The following GLP2R variants were observed in gnomAD, a reference collection of about 807,000 sequenced individuals.
GLP2R encodes the protein glucagon like peptide 2 receptor, also known as glucagon-like peptide 2 receptor.
A neutral mutation model predicts 68.2 loss-of-function variants in GLP2R; 59 were observed. The ratio of observed to expected loss-of-function variants is 0.87; its 90% CI spans 0.70 to 1.07. The LOEUF is 1.07. GLP2R is among the 50% of genes least tolerant of loss of function. GLP2R has a pLI of 0.00. For synonymous variants in GLP2R, 270 were observed against 265.4 expected (o/e 1.02, Z -0.17); for missense variants, 548 against 677.4 (o/e 0.81, Z 2.12).
chr17:9,828,693 C>G (rs1359389893), intron 1 of GLP2R, among the ~76,000 whole-genome samples: 2 of 152,112 alleles, frequency 1.3e-5, no homozygotes, highest in African/African-American at 4.8e-5. Flanking sequence ...GTTTGAAGCC[C>G]TGTGTTTTTT....
At position 9,842,388 on chromosome 17, in the gene GLP2R, G is replaced by A. The variant is rs993224254; in HGVS notation, c.383-107G>A. The A allele has an allele frequency of 4.3e-6, 6 of 1,396,836 alleles. No homozygotes were observed. In the African/African-American group the frequency reaches 4.3e-5, roughly 10 times the overall value. 86.5% of individuals were successfully genotyped at this position (1,396,836 alleles called of 1,614,324 possible). A position where few individuals can be genotyped will look rare whatever the true frequency, so the allele number is the denominator to read the frequency against. ...GAGGATGTTAATGAGCCCCCAAAAG[G>A]GGAAATGAAAATCCCTTCTCCCTGG... On this transcript the variant is annotated intron_variant, in intron 3 of 12. Transcript: ENST00000262441.
chr17:9,869,223 C>A (rs151286248), intron 9 of GLP2R, among the ~76,000 whole-genome samples: 2 of 152,334 alleles, frequency 1.3e-5, no homozygotes, highest in African/African-American at 4.8e-5. Flanking sequence ...CCTCCTCCAG[C>A]CTTACCCTCA....
chr17:9,836,881 G>A (rs950404248), intron 3 of GLP2R, among the ~76,000 whole-genome samples: 24 of 151,480 alleles, frequency 1.6e-4, no homozygotes, highest in Admixed American at 5.3e-4. Context: ...ATGGAATCTC[G>A]CTCTGTCGCC....
intron 9 of GLP2R, among the ~76,000 whole-genome samples, chr17:9,864,232 G>A (rs144233422): frequency 0.014 from 2,147 of 152,332 alleles, 57 homozygotes; most frequent in African/African-American, 0.049. Context: ...AGACCGGGTA[G>A]CACCAGCATC....
chr17:9,875,005 T>C (rs940474742), intron 10 of GLP2R, among the ~76,000 whole-genome samples: 13 of 152,226 alleles, frequency 8.5e-5, no homozygotes, highest in Admixed American at 7.2e-4. Flanking sequence ...GCCATTTTCA[T>C]TGGCCACCAT....
chr17:9,867,337 C>T (rs780906720), intron 9 of GLP2R, among the ~76,000 whole-genome samples: 10 of 152,218 alleles, frequency 6.6e-5, no homozygotes, highest in South Asian at 2.1e-4. Flanking sequence ...TGGGTTGATG[C>T]GAGTGTACAA....
At chr17:9,849,774 G>T (rs58942536) in intron 4 of GLP2R, among the ~76,000 whole-genome samples, 110 of 151,488 alleles carry the variant, frequency 7.3e-4, no homozygotes, top group Non-Finnish European at 1.5e-3. Context: ...CACCACGCTC[G>T]GCTAATTTTT....
chr17:9,890,261 G>T lies in GLP2R; in HGVS notation c.*556G>T. On this transcript the variant is annotated 3_prime_UTR_variant, in exon 13 of 13. Transcript: ENST00000262441. ...TGGAGAACACTGGGCAGGGTGAGAG[G>T]GAGCTAGAAGCGCCCCCATGTGGCC... The T allele has an allele frequency of 2.9e-6, 1 of 342,548 alleles. No homozygotes were observed. The highest frequency in any genetic ancestry group is 5.7e-6 in the Non-Finnish European group (1 of 175,092). 21.2% of individuals were successfully genotyped at this position (342,548 alleles called of 1,614,324 possible). A position where few individuals can be genotyped will look rare whatever the true frequency, so the allele number is the denominator to read the frequency against.
At chr17:9,864,287 C>T (rs923816708) in intron 9 of GLP2R, among the ~76,000 whole-genome samples, 1 of 152,188 alleles carries the variant, frequency 6.6e-6, no homozygotes, top group East Asian at 1.9e-4. Flanking sequence ...CCCCATCTCC[C>T]AGGCCTACTG....
intron 7 of GLP2R, 101 bp downstream of exon 7, chr17:9,860,202 T>G (rs1428011185): frequency 8.8e-7 from 1 of 1,130,810 alleles, no homozygotes; most frequent in East Asian, 2.6e-5. Flanking sequence ...TGGAGGTTGC[T>G]TCTGGGACAT....
chr17:9,838,338 A>G (rs1044930721), intron 3 of GLP2R, among the ~76,000 whole-genome samples: 1 of 152,228 alleles, frequency 6.6e-6, no homozygotes, highest in African/African-American at 2.4e-5. Context: ...CGAGGAGTCA[A>G]TGAGAAGGCA....
intron 1 of GLP2R, among the ~76,000 whole-genome samples, chr17:9,829,474 A>G (rs2066661192): frequency 6.6e-6 from 1 of 152,222 alleles, no homozygotes; most frequent in Admixed American, 6.5e-5. Flanking sequence ...TTTTAATCAC[A>G]GCATCATTTA....
intron 1 of GLP2R, among the ~76,000 whole-genome samples, chr17:9,828,497 G>T (rs55796361): frequency 0.19 from 29,675 of 152,182 alleles, 4,043 homozygotes; most frequent in African/African-American, 0.37. Context: ...CTGAGACAGC[G>T]CTCAGGATAT....
At position 9,826,090 on chromosome 17, in the gene GLP2R, G is replaced by T; in HGVS notation, c.27G>T (p.Gly9=). The change falls in exon 1 of 13, where the codon GGG becomes GGT. Residue 9 remains glycine (G), a synonymous_variant. Transcript: ENST00000262441. Reference sequence around the variant, plus strand: ...TGAAGCTGGGATCGAGCAGGGCAGGGCCTGGGAGAGGAAGCGCGGGACTCC... The same window carrying T: ...TGAAGCTGGGATCGAGCAGGGCAGGTCCTGGGAGAGGAAGCGCGGGACTCC... The part of the protein sequence containing the change: MKLGSSRA[G]PGRGSAGLLP... 6.2e-7 allele frequency: 1 copy of T among 1,612,934 alleles called. No homozygotes were observed.
rs34692608 is a variant in GLP2R at position 9,847,277 on chromosome 17, C to CTT, written c.504+4669_504+4670dup. Among the ~76,000 whole-genome samples, 14 of 150,560 alleles carry CTT rather than the reference C, an allele frequency of 9.3e-5. 1 individual carries two copies. In the East Asian group the frequency reaches 9.8e-4, roughly 11 times the overall value. On this transcript the variant is annotated intron_variant, in intron 4 of 12. Transcript: ENST00000262441. ...AATTTACATCATTTAATTTTTTTTT[C>CTT]TTTTTTTTTGAAACGGAGTTTCGCT...
intron 11 of GLP2R, among the ~76,000 whole-genome samples, chr17:9,882,427 A>G (rs966573406): frequency 3.9e-5 from 6 of 152,212 alleles, no homozygotes; most frequent in Middle Eastern, 3.2e-3. Flanking sequence ...ACAAGCCCCC[A>G]CATATTTCTC....
intron 9 of GLP2R, among the ~76,000 whole-genome samples, chr17:9,869,581 C>T (rs1209505946): frequency 6.6e-6 from 1 of 152,248 alleles, no homozygotes; most frequent in Non-Finnish European, 1.5e-5. Context: ...GCTGGAGGAT[C>T]AGCTCCCAAG....
intron 4 of GLP2R, among the ~76,000 whole-genome samples, chr17:9,845,121 C>T (rs963610277): frequency 5.3e-5 from 8 of 151,096 alleles, no homozygotes; most frequent in African/African-American, 1.5e-4. Flanking sequence ...TGCAGTGACG[C>T]GATCATGGCC....
At chr17:9,843,360 T>G (rs752400061) in intron 4 of GLP2R, among the ~76,000 whole-genome samples, 2 of 152,198 alleles carry the variant, frequency 1.3e-5, no homozygotes, top group Non-Finnish European at 2.9e-5. Context: ...GCAAGTTACC[T>G]CATCTTCTTG....
Sources: gnomAD v4.1 joint callset for allele counts (sites outside exome capture counted in the v4.1 genomes callset) on GRCh38, gnomAD v4.1.1 for gene constraint, MANE v1.5 for transcripts, NCBI Gene and HGNC (gene_info 2026-07-23, HGNC 2026-07-21) for gene names.